CES5A: variants seen among roughly 807,000 people sequenced by gnomAD.
CES5A encodes carboxylesterase 5.
CES5A carries 67 observed loss-of-function variants against 62.9 expected under a neutral mutation model. The observed-to-expected ratio is 1.07, with a 90% CI of 0.88 to 1.31. The LOEUF (loss-of-function observed/expected upper bound fraction) is 1.31, where lower values mean the gene tolerates loss of function less well. Ranked by LOEUF, CES5A falls within the 50% of genes most tolerant of loss-of-function variation. The pLI is 0.00. For synonymous variants in CES5A, 296 were observed against 280.8 expected, an observed-to-expected ratio of 1.05 and a Z score of -0.54; for missense variants, 748 against 708.5, an observed-to-expected ratio of 1.06 and a Z score of -0.63.
Position 55,846,336 on chromosome 16 carries a change from G to C in CES5A, c.*115C>G, listed in dbSNP as rs1443081701. ...CTAAGTCCATAAAATATCAGCGAAA[G>C]CAGCTTGTTTTGCAAGGATCCCCAT... On this transcript the variant is annotated 3_prime_UTR_variant, in exon 13 of 13. Coordinates refer to ENST00000290567, the MANE Select transcript of CES5A (RefSeq NM_001143685.2). 1 of 762,310 alleles carries C rather than the reference G, an allele frequency of 1.3e-6. No individual in the cohort carries two copies. The highest frequency in any genetic ancestry group is 2.2e-6 in the Non-Finnish European group (1 of 461,302). The allele number at this position is 762,310 out of a possible 1,614,324, so 47.2% of individuals were successfully genotyped here.
intron 3 of CES5A, among the ~76,000 whole-genome samples, chr16:55,871,346 T>G (rs2033579725): frequency 1.3e-5 from 2 of 152,226 alleles, no homozygotes; most frequent in Non-Finnish European, 2.9e-5. Flanking sequence ...TTTTAAGCAG[T>G]GTCTTTTCTG....
At position 55,896,799 on chromosome 16, in the gene CES5A, G is replaced by T. The variant is rs965966257; in HGVS notation, c.-255-22762C>A. Reference sequence around the variant, plus strand: ...ATCCTCATGACAACACTGCAAGGAGGGTTTAGCCTCATTTTAAATATCACA... The same window carrying T: ...ATCCTCATGACAACACTGCAAGGAGTGTTTAGCCTCATTTTAAATATCACA... On this transcript the variant is annotated intron_variant, in intron 1 of 12. Coordinates refer to the CES5A transcript ENST00000518005. 2.0e-5 allele frequency among the ~76,000 whole-genome samples: 3 copies of T among 152,168 alleles called. No individual in the cohort carries two copies. In the South Asian group the frequency reaches 6.2e-4, roughly 31 times the overall value.
rs779420336 is a variant in CES5A at position 55,875,206 on chromosome 16, C to T, written c.16G>A (p.Val6Met). Residue 6 changes from valine to methionine, a missense_variant, in exon 1 of 13, where the codon GTG becomes ATG. Val to Met is a conservative substitution (Grantham distance 21, BLOSUM62 1). Coordinates refer to ENST00000290567, the MANE Select transcript of CES5A (RefSeq NM_001143685.2). ...CAAATTAGGATCTGGCCTGGGTGCA[C>T]CCAATTCCCACTCATTTGGCTGCCT... Reference protein sequence around the residue: MSGNWVHPGQILIWAI... With the variant: MSGNWMHPGQILIWAI... The T allele has an allele frequency of 6.2e-7, 1 of 1,613,716 alleles. No homozygotes were observed. The highest frequency in any genetic ancestry group is 1.3e-5 in the African/African-American group (1 of 75,058).
chr16:55,930,493 C>T (rs2034299176), intron 2 of CES5A, among the ~76,000 whole-genome samples: 1 of 152,138 alleles, frequency 6.6e-6, no homozygotes, highest in African/African-American at 2.4e-5. Flanking sequence ...TTATAAAAGC[C>T]AGTTTGGTTC....
At chr16:55,880,861 C>T (rs1438593714) in intron 1 of CES5A, among the ~76,000 whole-genome samples, 1 of 152,194 alleles carries the variant, frequency 6.6e-6, no homozygotes, top group Non-Finnish European at 1.5e-5. Flanking sequence ...GGCCTCCTAG[C>T]AGCTTTTAAA....
At chr16:55,921,719 C>T (rs1039795010) in intron 1 of CES5A, among the ~76,000 whole-genome samples, 18 of 150,310 alleles carry the variant, frequency 1.2e-4, no homozygotes, top group African/African-American at 4.4e-4. Context: ...GTATACAAAC[C>T]CAGGATACTC....
At chr16:55,856,484 A>G in intron 8 of CES5A, 39 bp from the exon 9 acceptor site, 1 of 1,600,470 alleles carries the variant, frequency 6.2e-7, no homozygotes, top group Non-Finnish European at 8.6e-7. Context: ...CCATCTGGTC[A>G]TGAGAAGGTA....
chr16:55,865,333 T>C (rs1177890416), intron 5 of CES5A, among the ~76,000 whole-genome samples: 2 of 152,184 alleles, frequency 1.3e-5, no homozygotes, highest in African/African-American at 4.8e-5. Context: ...TGCTGTCAAA[T>C]TGTGTGTGGA....
rs754446075 is a variant in CES5A at position 55,853,032 on chromosome 16, T to TA, written c.1126-5dup. ...GCAAATACTGAGGCGGGATGTGCTG[T>TA]AAAAATATCGTAGTCCTAGGAGATC... On this transcript the variant is annotated splice_region_variant and splice_polypyrimidine_tract_variant and intron_variant, in intron 9 of 12. Transcript: ENST00000290567. 1.2e-6 allele frequency: 2 copies of TA among 1,613,970 alleles called. No homozygotes were observed. Among genetic ancestry groups the TA allele is most frequent in the Admixed American group, 3.3e-5 (2 of 60,004 alleles).
chr16:55,849,593 T>G, intron 11 of CES5A, 31 bp downstream of exon 11: 1 of 1,611,748 alleles, frequency 6.2e-7, no homozygotes. Flanking sequence ...AGGGGCTTCA[T>G]GTGAACTGTG....
chr16:55,871,559 C>T, intron 3 of CES5A, 66 bp downstream of exon 3: 3 of 1,583,394 alleles, frequency 1.9e-6, no homozygotes, highest in African/African-American at 1.3e-5. Context: ...CATGTAGCTG[C>T]ACTGCCTGGA....
At chr16:55,868,386 A>C (rs2033509292) in intron 4 of CES5A, among the ~76,000 whole-genome samples, 2 of 151,836 alleles carry the variant, frequency 1.3e-5, no homozygotes, top group Admixed American at 1.3e-4. Flanking sequence ...CTCCCTCCCA[A>C]CTTCCTAGTT....
chr16:55,949,840 G>A, exon 2 of CES5A: 1 of 1,526,062 alleles, frequency 6.6e-7, no homozygotes, highest in Non-Finnish European at 8.8e-7. Context: ...ACAAAGTTGA[G>A]GAGGCTGGAT....
Position 55,846,691 on chromosome 16 carries a change from G to C in CES5A, c.1497-9C>G, listed in dbSNP as rs777734269. ...CGTTCCCATTAGGATTCCTAGAAGG[G>C]AGAGCAGAAACAGGGGTGAGATTTT... On this transcript the variant is annotated splice_polypyrimidine_tract_variant and intron_variant, in intron 12 of 12. Transcript: ENST00000290567. The C allele has an allele frequency of 1.9e-6, 3 of 1,613,844 alleles. No individual in the cohort carries two copies. In the South Asian group the frequency reaches 3.3e-5, roughly 18 times the overall value.
chr16:55,925,710 A>C (rs1377498125), upstream of CES5A, among the ~76,000 whole-genome samples: 1 of 152,150 alleles, frequency 6.6e-6, no homozygotes, highest in Admixed American at 6.5e-5. Context: ...CATTTGCAGC[A>C]ACATGGACAG....
upstream of CES5A, among the ~76,000 whole-genome samples, chr16:55,880,291 G>A (rs2033747676): frequency 6.6e-6 from 1 of 152,162 alleles, no homozygotes; most frequent in Non-Finnish European, 1.5e-5. Context: ...CTTTGCTCAA[G>A]TGAGACCAGA....
At chr16:55,935,374 G>T (rs771124968) in intron 2 of CES5A, among the ~76,000 whole-genome samples, 29 of 152,322 alleles carry the variant, frequency 1.9e-4, no homozygotes, top group Admixed American at 3.9e-4. Flanking sequence ...TCAACTGATT[G>T]GATGAGGGCC....
At chr16:55,857,695 GC>G (rs2033270725) in intron 8 of CES5A, among the ~76,000 whole-genome samples, 1 of 152,186 alleles carries the variant, frequency 6.6e-6, no homozygotes, top group South Asian at 2.1e-4. Context: ...ACCCACACAG[GC>G]TTTTGAACTC....
At chr16:55,938,771 T>TAC in intron 2 of CES5A, among the ~76,000 whole-genome samples, 1 of 42,620 alleles carries the variant, frequency 2.3e-5, no homozygotes, top group South Asian at 8.5e-4. Flanking sequence ...AAAAAATATA[T>TAC]ATATATATAT....
Sources: allele counts gnomAD v4.1 joint callset (sites outside exome capture counted in the v4.1 genomes callset), GRCh38; gene constraint gnomAD v4.1.1; transcripts MANE v1.5; gene names NCBI Gene and HGNC (gene_info 2026-07-23, HGNC 2026-07-21).